The following UBE2D2 variants were observed in gnomAD, a reference collection of about 807,000 sequenced individuals.
UBE2D2 encodes the protein ubiquitin conjugating enzyme E2 D2.
In UBE2D2, 2 loss-of-function variants were observed where a neutral mutation model predicts 24.2. That is an observed-to-expected ratio of 0.08 (90% confidence interval 0.03 to 0.26). The LOEUF (loss-of-function observed/expected upper bound fraction) is 0.26, where lower values mean the gene tolerates loss of function less well. Ranked by LOEUF, UBE2D2 falls within the 10% of genes least tolerant of loss-of-function variation. The pLI, the probability that UBE2D2 is intolerant of heterozygous loss-of-function variation, is 1.00. For missense variants in UBE2D2, 44 were observed against 177.6 expected (o/e 0.25, Z 4.28); for synonymous variants, 58 against 56.5 (o/e 1.03, Z -0.12).
intron 1 of UBE2D2, among the ~76,000 whole-genome samples, chr5:139,594,078 A>T (rs1315423798): frequency 6.6e-6 from 1 of 152,194 alleles, no homozygotes; most frequent in Non-Finnish European, 1.5e-5. Context: ...TCAGTTTCCC[A>T]TCTTGTTCCT....
Position 139,623,432 on chromosome 5 carries a change from T to G in UBE2D2, c.369T>G (p.Ile123Met). 6.2e-7 allele frequency: 1 copy of G among 1,604,394 alleles called. No individual in the cohort carries two copies. The highest frequency in any genetic ancestry group is 8.5e-7 in the Non-Finnish European group (1 of 1,172,530). Residue 123 changes from isoleucine (I) to methionine (M), a missense_variant, in exon 6 of 7, where the codon ATT becomes ATG. Physicochemically the swap from Ile to Met is conservative, Grantham distance 10 (BLOSUM62 1). Transcript: ENST00000398733. The stretch of plus-strand genomic sequence containing the variant: ...CAGATGATCCTTTAGTGCCTGAGAT[T>G]GCTCGGATCTACAAAACAGATAGAG... ...PNPDDPLVPE[I>M]ARIYKTDREK...
chr5:139,548,150 C>G (rs374396899), intron 1 of UBE2D2, among the ~76,000 whole-genome samples: 61,736 of 94,816 alleles, frequency 0.65, 16,429 homozygotes, highest in African/African-American at 0.79. Flanking sequence ...GGCGACAGAG[C>G]GAGACTCCGT....
At chr5:139,620,034 A>C (rs972258062) in intron 5 of UBE2D2, among the ~76,000 whole-genome samples, 6 of 152,166 alleles carry the variant, frequency 3.9e-5, no homozygotes, top group African/African-American at 1.4e-4. Context: ...GGGAGGTGCC[A>C]CACACTGTTA....
chr5:139,620,085 C>G (rs1754486876), intron 5 of UBE2D2, among the ~76,000 whole-genome samples: 1 of 152,118 alleles, frequency 6.6e-6, no homozygotes, highest in Non-Finnish European at 1.5e-5. Context: ...AAGAACAGCA[C>G]CAAAGGGGTC....
At chr5:139,558,800 T>TA (rs1308562711), upstream of UBE2D2, among the ~76,000 whole-genome samples, 15 of 152,058 alleles carry the variant, frequency 9.9e-5, no homozygotes, top group African/African-American at 3.6e-4. Context: ...TTACAACAAA[T>TA]ACATATTGCT....
intron 1 of UBE2D2, among the ~76,000 whole-genome samples, chr5:139,591,543 C>G (rs1038664364): frequency 2.4e-4 from 36 of 152,128 alleles, no homozygotes; most frequent in Admixed American, 8.5e-4. Context: ...GATATTGATA[C>G]ATGTTTCCAT....
intron 1 of UBE2D2, among the ~76,000 whole-genome samples, chr5:139,532,648 G>A (rs950049201): frequency 6.6e-6 from 1 of 152,022 alleles, no homozygotes; most frequent in Non-Finnish European, 1.5e-5. Flanking sequence ...ACCGCGCTTG[G>A]CCTAGTTTTT....
intron 1 of UBE2D2, among the ~76,000 whole-genome samples, chr5:139,598,318 T>G (rs1467812767): frequency 6.6e-6 from 1 of 152,200 alleles, no homozygotes; most frequent in Non-Finnish European, 1.5e-5. Context: ...CTGTTTTTAC[T>G]CTTGTAGTTT....
chr5:139,567,559 A>G (rs1408659603), intron 1 of UBE2D2, among the ~76,000 whole-genome samples: 2 of 110,996 alleles, frequency 1.8e-5, no homozygotes, highest in African/African-American at 7.5e-5. Context: ...TTTGAGATAG[A>G]GTCTCGCTCT....
intron 1 of UBE2D2, among the ~76,000 whole-genome samples, chr5:139,587,219 A>G (rs1008113976): frequency 6.6e-6 from 1 of 152,224 alleles, no homozygotes; most frequent in African/African-American, 2.4e-5. Context: ...TTAGCCATGC[A>G]GGAACAATGG....
chr5:139,595,891 TG>T lies in UBE2D2; in HGVS notation c.25-4480del, dbSNP rs1225645854. On this transcript the variant is annotated intron_variant, in intron 1 of 6. Transcript: ENST00000398733. ...TGTGGGTTTTTTTTTTGTTTTTTGT[TG>T]TTTTTTTTTTTTTTTTTTTGAGACA... Among the ~76,000 whole-genome samples the T allele has an allele frequency of 2.2e-3, 290 of 131,624 alleles. 1 individual carries two copies. Among genetic ancestry groups the T allele is most frequent in the African/African-American group, 6.8e-3 (203 of 30,000 alleles). The allele number at this position is 131,624 out of a possible 152,430, so 86.4% of individuals were successfully genotyped here.
intron 6 of UBE2D2, chr5:139,623,694 T>TC: frequency 2.6e-6 from 1 of 378,882 alleles, no homozygotes; most frequent in Non-Finnish European, 4.8e-6. Flanking sequence ...ACTTTTTTTT[T>TC]TGTTTGTTTT....
intron 1 of UBE2D2, among the ~76,000 whole-genome samples, chr5:139,593,245 C>T (rs1194563389): frequency 2.0e-5 from 3 of 149,600 alleles, no homozygotes; most frequent in East Asian, 2.0e-4. Context: ...CCGTCCACCT[C>T]GGCCTCCCAA....
intron 1 of UBE2D2, among the ~76,000 whole-genome samples, chr5:139,564,005 A>T (rs956633623): frequency 6.6e-6 from 1 of 152,206 alleles, no homozygotes. Context: ...CAGAGAGGGA[A>T]CTATCTCTTT....
chr5:139,548,273 G>A (rs1752865448), intron 1 of UBE2D2, among the ~76,000 whole-genome samples: 3 of 150,376 alleles, frequency 2.0e-5, no homozygotes, highest in East Asian at 3.9e-4. Context: ...ACTCATATAT[G>A]CACGGCCTCT....
At chr5:139,614,817 A>C in intron 4 of UBE2D2, 43 bp downstream of exon 4, 1 of 1,612,192 alleles carries the variant, frequency 6.2e-7, no homozygotes, top group Non-Finnish European at 8.5e-7. Flanking sequence ...ACTTTCTATA[A>C]TACTAATAAA....
chr5:139,567,830 C>T (rs192381772), intron 1 of UBE2D2, among the ~76,000 whole-genome samples: 14 of 152,124 alleles, frequency 9.2e-5, no homozygotes, highest in Admixed American at 2.0e-4. Context: ...CACTGTGCCC[C>T]GCCTTTTGTA....
chr5:139,597,019 C>G lies in UBE2D2; in HGVS notation c.25-3353C>G, dbSNP rs540920223. On this transcript the variant is annotated intron_variant, in intron 1 of 6. Transcript: ENST00000398733. ...CCAAGATCGTGCCACTGCATCCAGCCTGAGCAACAGAGCAAGACTCCATCT... is the reference window on the plus strand; with the variant it reads ...CCAAGATCGTGCCACTGCATCCAGCGTGAGCAACAGAGCAAGACTCCATCT... Among the ~76,000 whole-genome samples, 3 of 151,644 alleles carry G rather than the reference C, an allele frequency of 2.0e-5. No homozygotes were observed. The East Asian group carries it at 5.8e-4, about 29-fold the overall frequency.
intron 1 of UBE2D2, among the ~76,000 whole-genome samples, chr5:139,541,312 A>G (rs1752757876): frequency 6.7e-6 from 1 of 149,166 alleles, no homozygotes; most frequent in Non-Finnish European, 1.5e-5. Flanking sequence ...AAAAAAAAAA[A>G]GCGGGGGGAC....
Sources: gnomAD v4.1 joint callset for allele counts (sites outside exome capture counted in the v4.1 genomes callset) on GRCh38, gnomAD v4.1.1 for gene constraint, MANE v1.5 for transcripts, NCBI Gene and HGNC (gene_info 2026-07-23, HGNC 2026-07-21) for gene names.